The following MYO1E variants were observed in gnomAD, a reference collection of about 807,000 sequenced individuals.
The protein encoded by MYO1E is unconventional myosin-Ie.
A neutral mutation model predicts 151.1 loss-of-function variants in MYO1E; 68 were observed. That is an observed-to-expected ratio of 0.45 (90% confidence interval 0.37 to 0.55). MYO1E has a LOEUF of 0.55. MYO1E is among the 20% of genes least tolerant of loss of function. The pLI, the probability that MYO1E is intolerant of heterozygous loss-of-function variation, is 0.00. For synonymous variants in MYO1E, 601 were observed against 501.7 expected (o/e 1.20, Z -2.64); for missense variants, 1,363 against 1,389.3 (o/e 0.98, Z 0.30).
intron 1 of MYO1E, among the ~76,000 whole-genome samples, chr15:59,300,136 C>T (rs1241103480): frequency 1.3e-5 from 2 of 152,146 alleles, no homozygotes; most frequent in Admixed American, 1.3e-4. Flanking sequence ...TGGTGAAATC[C>T]TAAGAGCCTG....
rs1017299293 is a variant in MYO1E at position 59,335,572 on chromosome 15, G to A, written c.3+36926C>T. On this transcript the variant is annotated intron_variant, in intron 1 of 27. Transcript: ENST00000288235. ...ATTGTCCCACACATAAGCCAGGGCTGGAAAAGTACAAGAGACCCGGCCAGG... is the reference window on the plus strand; with the variant it reads ...ATTGTCCCACACATAAGCCAGGGCTAGAAAAGTACAAGAGACCCGGCCAGG... Among the ~76,000 whole-genome samples the A allele has an allele frequency of 1.1e-4, 17 of 152,112 alleles. 1 individual carries two copies. Among genetic ancestry groups the A allele is most frequent in the Non-Finnish European group, 5.9e-5 (4 of 68,016 alleles).
intron 1 of MYO1E, among the ~76,000 whole-genome samples, chr15:59,295,710 G>A (rs772875817): frequency 3.3e-5 from 5 of 152,182 alleles, no homozygotes; most frequent in Non-Finnish European, 5.9e-5. Context: ...CGGAGAGCAG[G>A]TATAATTATC....
chr15:59,161,182 C>T lies in MYO1E; in HGVS notation c.2676G>A (p.Gly892=), dbSNP rs764739431. The T allele has an allele frequency of 1.2e-6, 2 of 1,614,058 alleles. No individual in the cohort carries two copies. Among genetic ancestry groups the T allele is most frequent in the Non-Finnish European group, 8.5e-7 (1 of 1,179,978 alleles). ...KKENWGPWSA[G]GSRQVQFHQG... ...GGTGGAACTGCACTTGCCGGGAGCCCCCTGCACTCCAGGGGCCCCAGTTTT... is the reference window on the plus strand; with the variant it reads ...GGTGGAACTGCACTTGCCGGGAGCCTCCTGCACTCCAGGGGCCCCAGTTTT... The change falls in exon 24 of 28, where the codon GGG becomes GGA. Residue 892 remains glycine (G), a synonymous_variant. Transcript: ENST00000288235.
At chr15:59,255,120 G>T (rs759681847) in intron 4 of MYO1E, among the ~76,000 whole-genome samples, 5 of 151,598 alleles carry the variant, frequency 3.3e-5, no homozygotes, top group African/African-American at 4.8e-5. Context: ...GTTTGGTTTG[G>T]TTTGGTTTTT....
At chr15:59,167,057 A>G (rs1298116474) in intron 22 of MYO1E, among the ~76,000 whole-genome samples, 3 of 152,160 alleles carry the variant, frequency 2.0e-5, no homozygotes, top group East Asian at 3.8e-4. Context: ...CAGGTTCCCA[A>G]TGCTTACAGA....
intron 26 of MYO1E, among the ~76,000 whole-genome samples, chr15:59,141,323 A>G (rs895480040): frequency 1.3e-5 from 2 of 152,206 alleles, no homozygotes; most frequent in Admixed American, 6.5e-5. Flanking sequence ...CACAGATACT[A>G]AACTCCACAG....
Position 59,372,666 on chromosome 15 carries a change from T to A in MYO1E, c.-166A>T. 3.5e-6 allele frequency: 3 copies of A among 847,412 alleles called. No homozygotes were observed. The highest frequency in any genetic ancestry group is 5.3e-6 in the Non-Finnish European group (3 of 565,630). 52.5% of individuals were successfully genotyped at this position (847,412 alleles called of 1,614,324 possible). A position where few individuals can be genotyped will look rare whatever the true frequency, so the allele number is the denominator to read the frequency against. On this transcript the variant is annotated 5_prime_UTR_variant, in exon 1 of 28. An upstream start codon of the reference 5' UTR is lost. Coordinates refer to ENST00000288235, the MANE Select transcript of MYO1E (RefSeq NM_004998.4). ...CAATGGGAACCCAGAGGGGACTCCA[T>A]CCAGGCGGGATTGGCGGTGCTAGGT... is the stretch of plus-strand genomic sequence containing the variant.
At chr15:59,198,047 T>G (rs1252512809) in intron 16 of MYO1E, among the ~76,000 whole-genome samples, 1 of 152,106 alleles carries the variant, frequency 6.6e-6, no homozygotes, top group East Asian at 1.9e-4. Flanking sequence ...AAAAAATTTT[T>G]GTAGAGGTGG....
chr15:59,340,877 C>T (rs2080760864), intron 1 of MYO1E, among the ~76,000 whole-genome samples: 1 of 151,690 alleles, frequency 6.6e-6, no homozygotes, highest in African/African-American at 2.4e-5. Context: ...CAAAAATCAG[C>T]TGGGCGTGGT....
At chr15:59,247,715 C>T (rs1327967399) in intron 4 of MYO1E, among the ~76,000 whole-genome samples, 1 of 152,180 alleles carries the variant, frequency 6.6e-6, no homozygotes, top group African/African-American at 2.4e-5. Context: ...GCTCCAAGGC[C>T]ACCACAAATC....
intron 1 of MYO1E, among the ~76,000 whole-genome samples, chr15:59,295,367 A>C (rs1315850245): frequency 6.6e-6 from 1 of 152,082 alleles, no homozygotes; most frequent in Non-Finnish European, 1.5e-5. Flanking sequence ...CCCTAAAAAG[A>C]CCAACTGGAC....
chr15:59,189,979 G>C (rs1338259365), intron 17 of MYO1E, among the ~76,000 whole-genome samples: 3 of 152,188 alleles, frequency 2.0e-5, no homozygotes, highest in Non-Finnish European at 4.4e-5. Flanking sequence ...GATTTAGTAG[G>C]CCTGCACCTT....
At chr15:59,320,908 T>C (rs1029327239) in intron 1 of MYO1E, among the ~76,000 whole-genome samples, 2 of 152,114 alleles carry the variant, frequency 1.3e-5, no homozygotes, top group Non-Finnish European at 2.9e-5. Context: ...ACCTACAGAA[T>C]AGGAGAAAAT....
intron 1 of MYO1E, among the ~76,000 whole-genome samples, chr15:59,315,501 T>A (rs1341804532): frequency 4.0e-5 from 6 of 151,196 alleles, no homozygotes; most frequent in Non-Finnish European, 8.8e-5. Flanking sequence ...CACGTTTACC[T>A]ATGTAACAAA....
At chr15:59,244,902 C>T (rs1459475699) in intron 4 of MYO1E, among the ~76,000 whole-genome samples, 1 of 152,202 alleles carries the variant, frequency 6.6e-6, no homozygotes. Flanking sequence ...CTGAATAGCA[C>T]TCCTTGGCTG....
intron 1 of MYO1E, among the ~76,000 whole-genome samples, chr15:59,309,840 G>T (rs191385248): frequency 1.3e-5 from 2 of 152,162 alleles, no homozygotes; most frequent in Non-Finnish European, 2.9e-5. Context: ...AAGCTTGTCT[G>T]GATAGGCCTT....
At chr15:59,288,232 G>A (rs2080398668) in intron 1 of MYO1E, among the ~76,000 whole-genome samples, 1 of 152,134 alleles carries the variant, frequency 6.6e-6, no homozygotes, top group African/African-American at 2.4e-5. Flanking sequence ...CTAGAGTGCA[G>A]TGGTGTGATC....
At chr15:59,276,149 A>G in intron 1 of MYO1E, among the ~76,000 whole-genome samples, 1 of 152,094 alleles carries the variant, frequency 6.6e-6, no homozygotes, top group East Asian at 1.9e-4. Context: ...ACCCCTGCTG[A>G]GAGGCAGGGG....
Position 59,372,766 on chromosome 15 carries a change from C to T in MYO1E, c.-266G>A. 1 of 531,196 alleles carries T rather than the reference C, an allele frequency of 1.9e-6. No individual in the cohort carries two copies. The highest frequency in any genetic ancestry group is 3.3e-6 in the Non-Finnish European group (1 of 301,126). 32.9% of individuals were successfully genotyped at this position (531,196 alleles called of 1,614,324 possible). The stretch of plus-strand genomic sequence containing the variant: ...CAAGAGTCCACTCGTACTCGCCGGT[C>T]GCCGCCGGCCCAGGTGAGTCCGATG... On this transcript the variant is annotated 5_prime_UTR_variant, in exon 1 of 28. Coordinates refer to ENST00000288235, the MANE Select transcript of MYO1E (RefSeq NM_004998.4).
Sources: gnomAD v4.1 joint callset for allele counts (sites outside exome capture counted in the v4.1 genomes callset) on GRCh38, gnomAD v4.1.1 for gene constraint, MANE v1.5 for transcripts, NCBI Gene and HGNC (gene_info 2026-07-23, HGNC 2026-07-21) for gene names.